GRM8: variants seen among roughly 807,000 people sequenced by gnomAD.
GRM8 encodes the protein metabotropic glutamate receptor 8.
A neutral mutation model predicts 87.2 loss-of-function variants in GRM8; 47 were observed. The observed-to-expected ratio is 0.54, with a 90% CI of 0.43 to 0.69. The LOEUF (loss-of-function observed/expected upper bound fraction) is 0.69, where lower values mean the gene tolerates loss of function less well. GRM8 is among the 30% of genes least tolerant of loss of function. The probability of loss-of-function intolerance (pLI) is 0.00; values close to 1 mark genes in which losing one functional copy is unlikely to be tolerated. For synonymous variants in GRM8, 396 were observed against 404.5 expected (o/e 0.98, Z 0.25); for missense variants, 1,019 against 1,139.2 (o/e 0.89, Z 1.52).
At chr7:126,732,253 A>G (rs1813690087) in intron 7 of GRM8, among the ~76,000 whole-genome samples, 1 of 152,144 alleles carries the variant, frequency 6.6e-6, no homozygotes, top group Non-Finnish European at 1.5e-5. Context: ...TGATGATAAA[A>G]GACCAGTTGT....
chr7:126,520,968 G>A (rs1315175018), intron 9 of GRM8, among the ~76,000 whole-genome samples: 1 of 152,100 alleles, frequency 6.6e-6, no homozygotes, highest in South Asian at 2.1e-4. Flanking sequence ...TTAGCATGGG[G>A]AAAATGTTTT....
At chr7:126,984,425 A>G (rs1811847223) in intron 3 of GRM8, among the ~76,000 whole-genome samples, 1 of 151,758 alleles carries the variant, frequency 6.6e-6, no homozygotes, top group African/African-American at 2.4e-5. Flanking sequence ...GGTTCACCTA[A>G]TTAGCTGCCA....
intron 8 of GRM8, among the ~76,000 whole-genome samples, chr7:126,540,868 G>A (rs60739229): frequency 0.012 from 1,784 of 152,254 alleles, 37 homozygotes; most frequent in African/African-American, 0.041. Flanking sequence ...GTGAATATAC[G>A]AAGAACCACT....
chr7:127,069,621 G>A (rs1286176425), intron 3 of GRM8, among the ~76,000 whole-genome samples: 1 of 152,184 alleles, frequency 6.6e-6, no homozygotes, highest in East Asian at 1.9e-4. Context: ...GGAAAGTAGA[G>A]AACTGTTGAC....
intron 8 of GRM8, among the ~76,000 whole-genome samples, chr7:126,537,651 C>G (rs1815966231): frequency 6.6e-6 from 1 of 152,056 alleles, no homozygotes; most frequent in Admixed American, 6.6e-5. Flanking sequence ...GTGGCAGGTG[C>G]CTGTAGTCCT....
At chr7:126,987,893 TCTATAC>T (rs1812272774) in intron 3 of GRM8, among the ~76,000 whole-genome samples, 1 of 152,190 alleles carries the variant, frequency 6.6e-6, no homozygotes, top group Non-Finnish European at 1.5e-5. Flanking sequence ...AGGTTTCTTC[TCTATAC>T]CTATGGGAGT....
At position 126,769,972 on chromosome 7, in the gene GRM8, T is replaced by C; in HGVS notation, c.1250A>G (p.His417Arg). The C allele has an allele frequency of 6.2e-7, 1 of 1,612,244 alleles. No individual in the cohort carries two copies. Among genetic ancestry groups the C allele is most frequent in the Non-Finnish European group, 8.5e-7 (1 of 1,178,538 alleles). ...AGGGCAGAGATCTTTGTGCATATTG[T>C]GCAGGGCGTAAGCCATGGAATATAC... ...DAVYSMAYAL[H>R]NMHKDLCPGY... is the part of the protein sequence containing the mutation. The change falls in exon 7 of 11, where the codon CAC becomes CGC. Residue 417 changes from histidine (H) to arginine (R), a missense_variant. Transcript: ENST00000339582.
intron 6 of GRM8, among the ~76,000 whole-genome samples, chr7:126,900,662 A>AC (rs71177575): frequency 0.77 from 117,586 of 151,812 alleles, 45,936 homozygotes; most frequent in East Asian, 0.97. Context: ...GGCGCCCGCC[A>AC]CACGCCGGGC....
chr7:127,169,997 C>T (rs1380204896), intron 2 of GRM8, among the ~76,000 whole-genome samples: 1 of 152,158 alleles, frequency 6.6e-6, no homozygotes, highest in East Asian at 1.9e-4. Flanking sequence ...AACACAATAT[C>T]CATTCTGTAG....
chr7:126,607,935 C>T (rs535181498), intron 8 of GRM8, among the ~76,000 whole-genome samples: 3 of 149,906 alleles, frequency 2.0e-5, no homozygotes, highest in African/African-American at 7.4e-5. Context: ...TCCTGGCCAC[C>T]AAATTTCTGT....
At chr7:126,974,936 CAAAAAAAAAAAAA>C (rs36129145) in intron 3 of GRM8, among the ~76,000 whole-genome samples, 6 of 59,620 alleles carry the variant, frequency 1.0e-4, no homozygotes, top group African/African-American at 2.7e-4. Flanking sequence ...ACTCTTGTCT[CAAAAAAAAAAAAA>C]AAAAAAAAAA....
At chr7:127,088,097 C>T (rs1000957194) in intron 3 of GRM8, among the ~76,000 whole-genome samples, 5 of 152,228 alleles carry the variant, frequency 3.3e-5, no homozygotes, top group Non-Finnish European at 7.3e-5. Context: ...ATGTCTATTT[C>T]TCTCCTTTTT....
At chr7:127,182,842 G>C (rs987815075) in intron 2 of GRM8, among the ~76,000 whole-genome samples, 98 of 151,848 alleles carry the variant, frequency 6.5e-4, no homozygotes, top group Admixed American at 6.3e-3. Flanking sequence ...TCAGAGCTAA[G>C]CTATGAGGAC....
At chr7:127,037,923 T>A (rs1484784349) in intron 3 of GRM8, among the ~76,000 whole-genome samples, 2 of 152,204 alleles carry the variant, frequency 1.3e-5, no homozygotes, top group Middle Eastern at 3.4e-3. Context: ...TTTTAATATG[T>A]ACCTCAGAAT....
intron 6 of GRM8, among the ~76,000 whole-genome samples, chr7:126,878,354 A>G (rs1799710961): frequency 1.3e-5 from 2 of 152,172 alleles, no homozygotes; most frequent in African/African-American, 4.8e-5. Context: ...GTCCTCCAGA[A>G]GCTCACATTG....
At chr7:126,954,256 C>A (rs1004081604) in intron 3 of GRM8, among the ~76,000 whole-genome samples, 3 of 152,120 alleles carry the variant, frequency 2.0e-5, no homozygotes, top group Non-Finnish European at 4.4e-5. Context: ...GTTAAAAAGG[C>A]AGCATGGCAA....
At chr7:127,107,236 G>T (rs1254729762) in intron 2 of GRM8, among the ~76,000 whole-genome samples, 2 of 152,038 alleles carry the variant, frequency 1.3e-5, no homozygotes, top group African/African-American at 4.8e-5. Flanking sequence ...ATATAGTTTT[G>T]CAAGTCTATT....
chr7:126,647,044 G>A (rs1258202456), intron 7 of GRM8, among the ~76,000 whole-genome samples: 1 of 152,074 alleles, frequency 6.6e-6, no homozygotes, highest in African/African-American at 2.4e-5. Flanking sequence ...CTAGGGCCTT[G>A]TTCCCAGTGG....
chr7:127,140,674 C>T (rs2133265076), intron 2 of GRM8, among the ~76,000 whole-genome samples: 1 of 152,080 alleles, frequency 6.6e-6, no homozygotes, highest in East Asian at 1.9e-4. Flanking sequence ...CCTTGAACGC[C>T]ACCCAGCTTT....
Sources: allele counts gnomAD v4.1 joint callset (sites outside exome capture counted in the v4.1 genomes callset), GRCh38; gene constraint gnomAD v4.1.1; transcripts MANE v1.5; gene names NCBI Gene and HGNC (gene_info 2026-07-23, HGNC 2026-07-21).